Variants in LRRK1 observed in about 807,000 individuals in gnomAD.
The protein encoded by LRRK1 is leucine rich repeat kinase 1.
A neutral mutation model predicts 209.1 loss-of-function variants in LRRK1; 113 were observed. That is an observed-to-expected ratio of 0.54 (90% confidence interval 0.46 to 0.63). The LOEUF (loss-of-function observed/expected upper bound fraction) is 0.63. Among genes scored for constraint, LRRK1 ranks in the 30% least tolerant of loss-of-function variants. The pLI is 0.00. For synonymous variants in LRRK1, 1,144 were observed against 1,099.7 expected, an observed-to-expected ratio of 1.04 and a Z score of -0.80; for missense variants, 2,284 against 2,632.2, an observed-to-expected ratio of 0.87 and a Z score of 2.89.
intron 2 of LRRK1, among the ~76,000 whole-genome samples, chr15:100,937,895 A>G (rs1470246879): frequency 6.7e-6 from 1 of 148,700 alleles, no homozygotes; most frequent in African/African-American, 2.5e-5. Flanking sequence ...CTGTCACCCA[A>G]GCAGGAGTGC....
intron 20 of LRRK1, chr15:101,043,683 T>C (rs1212290111): frequency 1.3e-5 from 2 of 152,204 alleles, no homozygotes; most frequent in African/African-American, 2.4e-5. Context: ...CCAAGGCTTA[T>C]GGCACAGCAG....
At chr15:100,958,088 G>A (rs1165081697) in intron 2 of LRRK1, among the ~76,000 whole-genome samples, 2 of 152,074 alleles carry the variant, frequency 1.3e-5, no homozygotes, top group Admixed American at 1.3e-4. Context: ...ACTCCTGACC[G>A]CAAGTGATCT....
At position 101,024,911 on chromosome 15, in the gene LRRK1, C is replaced by T; in HGVS notation, c.2176C>T (p.Leu726=). Residue 726 remains leucine (L), a synonymous_variant, in exon 16 of 34, where the codon CTG becomes TTG. Coordinates refer to ENST00000388948, the MANE Select transcript of LRRK1 (RefSeq NM_024652.6). This position sits in a 1 kb window ranked among gnomAD's most constrained non-coding sequence, Gnocchi z 4.6. Reference sequence around the variant, plus strand: ...GGCCCTGTACGTGGTGGTCTGGAACCTGGCGCTGGGGGAGGAGGCCGTGGC... The same window carrying T: ...GGCCCTGTACGTGGTGGTCTGGAACTTGGCGCTGGGGGAGGAGGCCGTGGC... The part of the protein sequence containing the change: ...DKALYVVVWN[L]ALGEEAVANL... The T allele has an allele frequency of 1.2e-6, 2 of 1,614,196 alleles. No individual in the cohort carries two copies. The highest frequency in any genetic ancestry group is 2.2e-5 in the South Asian group (2 of 91,086).
intron 20 of LRRK1, among the ~76,000 whole-genome samples, chr15:101,040,371 GCTCT>G (rs752469427): frequency 4.3e-4 from 66 of 151,740 alleles, no homozygotes; most frequent in Non-Finnish European, 7.7e-4. Flanking sequence ...GTAGTGATAT[GCTCT>G]CTCTCCTGAT....
chr15:101,054,842 GTATCTA>G, intron 26 of LRRK1, 98 bp from the exon 27 acceptor site: 1 of 1,036,236 alleles, frequency 9.7e-7, no homozygotes, highest in Non-Finnish European at 1.4e-6. Flanking sequence ...AAATCATAAA[GTATCTA>G]GGGAGATCGG....
intron 22 of LRRK1, 155 bp from the exon 23 acceptor site, chr15:101,049,489 A>G: frequency 1.3e-6 from 1 of 768,340 alleles, no homozygotes; most frequent in Non-Finnish European, 2.0e-6. Context: ...GGCCACGCAC[A>G]CGTACATACA....
In LRRK1 at chr15:101,027,621, G is replaced by C. The variant is rs919373539; in HGVS notation, c.2527-17G>C. 1.2e-6 allele frequency: 2 copies of C among 1,607,638 alleles called. No homozygotes were observed. The highest frequency in any genetic ancestry group is 1.7e-6 in the Non-Finnish European group (2 of 1,178,034). On this transcript the variant is annotated splice_polypyrimidine_tract_variant and intron_variant, in intron 18 of 33. Coordinates refer to ENST00000388948, the MANE Select transcript of LRRK1 (RefSeq NM_024652.6). This position sits in a 1 kb window ranked among gnomAD's most constrained non-coding sequence, Gnocchi z 5.1. ...CTTGGGACCTGAGAGACCCTGCCTC[G>C]CCCAACTGTCCCCCAGATCCCCAGG...
In LRRK1 at chr15:101,074,530, T is replaced by TA. The variant is rs1171248045; in HGVS notation, c.*5686dup. On this transcript the variant is annotated 3_prime_UTR_variant, in exon 34 of 34. Coordinates refer to ENST00000388948, the MANE Select transcript of LRRK1 (RefSeq NM_024652.6). ...TGAGACACTTTACGGCCCTAGACCC[T>TA]AAAAGCCCAAAAGGCCGTCTTATTC... 3 of 152,132 alleles carry TA rather than the reference T, an allele frequency of 2.0e-5. No homozygotes were observed. The highest frequency in any genetic ancestry group is 7.2e-5 in the African/African-American group (3 of 41,390). The allele number at this position is 152,132 out of a possible 1,614,324, so 9.4% of individuals were successfully genotyped here. A position where few individuals can be genotyped will look rare whatever the true frequency, so the allele number is the denominator to read the frequency against.
chr15:100,962,820 TA>T (rs1348658009), intron 2 of LRRK1, among the ~76,000 whole-genome samples: 362 of 27,484 alleles, frequency 0.013, 31 homozygotes, highest in Non-Finnish European at 0.017. Flanking sequence ...TATATATATA[TA>T]TATTTTTTTT....
At chr15:100,933,190 C>G (rs1454019202) in intron 2 of LRRK1, among the ~76,000 whole-genome samples, 1 of 152,210 alleles carries the variant, frequency 6.6e-6, no homozygotes, top group Non-Finnish European at 1.5e-5. Flanking sequence ...AACCTTCTCC[C>G]TTGTCCTCTG....
intron 12 of LRRK1, among the ~76,000 whole-genome samples, chr15:101,018,994 C>G (rs981702778): frequency 5.3e-5 from 8 of 152,182 alleles, no homozygotes; most frequent in African/African-American, 1.9e-4. Context: ...GTGCAGTGGC[C>G]TCATCCAAAA....
chr15:100,942,252 T>C (rs2042453817), intron 2 of LRRK1, among the ~76,000 whole-genome samples: 1 of 152,186 alleles, frequency 6.6e-6, no homozygotes, highest in South Asian at 2.1e-4. Flanking sequence ...CCACAGCTAG[T>C]CCTATCTGTG....
At chr15:101,063,137 C>A (rs561885033) in intron 31 of LRRK1, among the ~76,000 whole-genome samples, 25 of 152,344 alleles carry the variant, frequency 1.6e-4, no homozygotes, top group East Asian at 3.9e-4. Context: ...CGCCGTCTTA[C>A]ACCAGACGCA....
intron 31 of LRRK1, among the ~76,000 whole-genome samples, 156 bp downstream of exon 31, chr15:101,062,846 A>AC (rs1399791254): frequency 6.6e-6 from 1 of 152,198 alleles, no homozygotes; most frequent in East Asian, 1.9e-4. Context: ...AAGATATCAG[A>AC]CCTGGTCCGT....
intron 9 of LRRK1, among the ~76,000 whole-genome samples, chr15:101,011,747 C>A (rs1028072739): frequency 5.3e-5 from 8 of 152,118 alleles, no homozygotes; most frequent in Non-Finnish European, 2.9e-5. Context: ...TTTCCAAGGA[C>A]AATGGGCCGG....
chr15:100,938,589 A>G (rs192426126), intron 2 of LRRK1, among the ~76,000 whole-genome samples: 5 of 150,966 alleles, frequency 3.3e-5, no homozygotes, highest in Admixed American at 3.3e-4. Flanking sequence ...CACATGGCCA[A>G]TCTGCATCCA....
In LRRK1 at chr15:101,058,022, G is replaced by GA; in HGVS notation, c.4562dup (p.Asp1522GlyfsTer10). On this transcript the variant is annotated frameshift_variant, in exon 29 of 34. Coordinates refer to ENST00000388948, the MANE Select transcript of LRRK1 (RefSeq NM_024652.6). LOFTEE classifies it high-confidence loss of function. ...TGGCCCTGTCGGTGGTGAGCCAGAT[G>GA]AAGGACCCGACTTTTGCCACCTTCA... 1 of 1,614,104 alleles carries GA rather than the reference G, an allele frequency of 6.2e-7. No individual in the cohort carries two copies. Among genetic ancestry groups the GA allele is most frequent in the Non-Finnish European group, 8.5e-7 (1 of 1,180,012 alleles).
intron 5 of LRRK1, 127 bp downstream of exon 5, chr15:100,988,940 C>A: frequency 1.3e-6 from 1 of 767,696 alleles, no homozygotes; most frequent in Non-Finnish European, 2.1e-6. Flanking sequence ...TTTTGCAACT[C>A]CTGTTCTATG....
intron 12 of LRRK1, among the ~76,000 whole-genome samples, chr15:101,017,745 C>T (rs989223443): frequency 6.6e-6 from 1 of 151,876 alleles, no homozygotes; most frequent in Non-Finnish European, 1.5e-5. Flanking sequence ...AAAACCGGTC[C>T]GTGGTGCCAA....
Sources: allele counts gnomAD v4.1 joint callset (sites outside exome capture counted in the v4.1 genomes callset), GRCh38; gene constraint gnomAD v4.1.1; non-coding constraint Gnocchi (gnomAD v3.1); transcripts MANE v1.5; gene names NCBI Gene and HGNC (gene_info 2026-07-23, HGNC 2026-07-21).